LY86: variants seen among roughly 807,000 people sequenced by gnomAD.
LY86 encodes the protein lymphocyte antigen 86.
In LY86, 20 loss-of-function variants were observed where a neutral mutation model predicts 17.3. The observed-to-expected ratio is 1.15, with a 90% CI of 0.81 to 1.68. The LOEUF (loss-of-function observed/expected upper bound fraction) is 1.68, where lower values mean the gene tolerates loss of function less well. Among genes scored for constraint, LY86 ranks in the 40% most tolerant of loss-of-function variants. The pLI, the probability that LY86 is intolerant of heterozygous loss-of-function variation, is 0.00. For missense variants in LY86, 200 were observed against 191.9 expected (o/e 1.04, Z -0.25); for synonymous variants, 74 against 70.6 (o/e 1.05, Z -0.24).
chr6:6,605,559 A>C (rs534139160), intron 1 of LY86, among the ~76,000 whole-genome samples: 4 of 152,250 alleles, frequency 2.6e-5, no homozygotes, highest in Non-Finnish European at 5.9e-5. Flanking sequence ...CGTGCTTCCC[A>C]CGGAGTGGGA....
chr6:6,603,039 G>C (rs1760961940), intron 1 of LY86, among the ~76,000 whole-genome samples: 1 of 152,124 alleles, frequency 6.6e-6, no homozygotes, highest in Non-Finnish European at 1.5e-5. Context: ...AAGAGGTTCA[G>C]TGTCTAGGGA....
At chr6:6,622,999 TACA>T (rs1473521126) in intron 1 of LY86, among the ~76,000 whole-genome samples, 3 of 152,234 alleles carry the variant, frequency 2.0e-5, no homozygotes, top group Admixed American at 6.5e-5. Flanking sequence ...GATAAGTTAA[TACA>T]ACATCTCCGA....
intron 1 of LY86, among the ~76,000 whole-genome samples, chr6:6,604,842 A>C (rs990181518): frequency 6.6e-6 from 1 of 151,642 alleles, no homozygotes; most frequent in East Asian, 1.9e-4. Flanking sequence ...CCAAAGGAAA[A>C]AAAAAAATGG....
chr6:6,598,641 T>TC (rs1760793159), intron 1 of LY86, among the ~76,000 whole-genome samples: 1 of 152,214 alleles, frequency 6.6e-6, no homozygotes. Context: ...CTGCTTTTTT[T>TC]CTCAAGTGAT....
chr6:6,648,927 G>T (rs1762146125), intron 3 of LY86, among the ~76,000 whole-genome samples: 1 of 152,098 alleles, frequency 6.6e-6, no homozygotes, highest in African/African-American at 2.4e-5. Context: ...TCCAGCACTT[G>T]TTACAATCTG....
intron 3 of LY86, among the ~76,000 whole-genome samples, chr6:6,643,795 CTA>C (rs1198541520): frequency 6.6e-5 from 10 of 152,272 alleles, no homozygotes; most frequent in African/African-American, 1.7e-4. Flanking sequence ...CGAAAGGTGA[CTA>C]TGTGAGGATA....
chr6:6,651,369 C>T (rs1230139021), intron 4 of LY86, among the ~76,000 whole-genome samples: 1 of 152,166 alleles, frequency 6.6e-6, no homozygotes. Context: ...GTCAGAGTGC[C>T]ATCTTGCTAC....
rs75640983 is a variant in LY86 at position 6,650,827 on chromosome 6, T to A, written c.405+1150T>A. On this transcript the variant is annotated intron_variant, in intron 4 of 4. Transcript: ENST00000230568. ...CAAACACTGAATTTATGTCTTCTAT[T>A]AACTGTGTGTTTGTACCCTTCAACC... Among the ~76,000 whole-genome samples the A allele has an allele frequency of 1.6e-3, 246 of 152,308 alleles. 7 individuals are homozygous for A. In the East Asian group the frequency reaches 0.04, roughly 25 times the overall value.
At chr6:6,636,892 CA>C (rs3842507) in intron 3 of LY86, among the ~76,000 whole-genome samples, 157 of 131,402 alleles carry the variant, frequency 1.2e-3, no homozygotes, top group African/African-American at 2.7e-3. Context: ...CCTCGAACTG[CA>C]AAAAAAAAAA....
chr6:6,635,963 G>A (rs1472412646), intron 3 of LY86, among the ~76,000 whole-genome samples: 1 of 152,220 alleles, frequency 6.6e-6, no homozygotes, highest in African/African-American at 2.4e-5. Flanking sequence ...CTGCAGTGCT[G>A]CCGCTGGAGA....
chr6:6,641,190 T>C (rs1762034592), intron 3 of LY86, among the ~76,000 whole-genome samples: 1 of 152,236 alleles, frequency 6.6e-6, no homozygotes, highest in South Asian at 2.1e-4. Context: ...CAAGTTCTAA[T>C]TGTGGAGCAA....
chr6:6,603,610 A>AC (rs1561778027), intron 1 of LY86, among the ~76,000 whole-genome samples: 1 of 35,278 alleles, frequency 2.8e-5, no homozygotes, highest in African/African-American at 5.7e-5. Flanking sequence ...AAACAGAAAA[A>AC]AAAACAAACA....
At chr6:6,606,247 G>A (rs1177281954) in intron 1 of LY86, among the ~76,000 whole-genome samples, 3 of 152,130 alleles carry the variant, frequency 2.0e-5, no homozygotes, top group African/African-American at 7.2e-5. Context: ...GGACGCAAAG[G>A]TTCTCCAAGG....
At chr6:6,613,681 A>G (rs910360436) in intron 1 of LY86, among the ~76,000 whole-genome samples, 25 of 152,198 alleles carry the variant, frequency 1.6e-4, no homozygotes, top group Non-Finnish European at 3.2e-4. Flanking sequence ...TGGCCAGCCC[A>G]GAAAGGGGTT....
intron 1 of LY86, among the ~76,000 whole-genome samples, chr6:6,619,145 C>A (rs2113131941): frequency 6.6e-6 from 1 of 152,180 alleles, no homozygotes; most frequent in Admixed American, 6.5e-5. Context: ...AAAGTACAGC[C>A]ATGAAAGAAG....
intron 1 of LY86, among the ~76,000 whole-genome samples, chr6:6,606,447 C>T (rs1000000173): frequency 2.0e-5 from 3 of 152,228 alleles, no homozygotes; most frequent in Non-Finnish European, 2.9e-5. Flanking sequence ...GTGGAGCTGC[C>T]TGCCAGTCCC....
At chr6:6,594,395 A>C (rs956270460) in intron 1 of LY86, among the ~76,000 whole-genome samples, 10 of 152,192 alleles carry the variant, frequency 6.6e-5, no homozygotes, top group Non-Finnish European at 1.3e-4. Context: ...TTCTGTGTCC[A>C]TAAATACAGT....
chr6:6,624,988 A>G lies in LY86; in HGVS notation c.199A>G (p.Asn67Asp), dbSNP rs1761759900. The change falls in exon 2 of 5, where the codon AAC becomes GAC. Residue 67 changes from asparagine to aspartate, a missense_variant. Physicochemically the swap from Asn to Asp is conservative, Grantham distance 23. Transcript: ENST00000230568. ...TTCCAAGCAATTAAAATCAAATATC[A>G]ACATTAGATTTGGAATTATTCTGAG... is the stretch of plus-strand genomic sequence containing the variant. Reference protein sequence around the residue: ...KCSKQLKSNINIRFGIILRED... With the variant: ...KCSKQLKSNIDIRFGIILRED... 2 of 1,535,734 alleles carry G rather than the reference A, an allele frequency of 1.3e-6. No homozygotes were observed. Among genetic ancestry groups the G allele is most frequent in the African/African-American group, 1.4e-5 (1 of 73,254 alleles).
chr6:6,652,698 G>A (rs1280832055), intron 4 of LY86, among the ~76,000 whole-genome samples: 4 of 152,140 alleles, frequency 2.6e-5, no homozygotes, highest in South Asian at 2.1e-4. Flanking sequence ...CAGCAGAAAC[G>A]CTGCACTCAG....
Sources: allele counts gnomAD v4.1 joint callset (sites outside exome capture counted in the v4.1 genomes callset), GRCh38; gene constraint gnomAD v4.1.1; transcripts MANE v1.5; gene names NCBI Gene and HGNC (gene_info 2026-07-23, HGNC 2026-07-21).